Variants in EFNA1 observed in about 807,000 individuals in gnomAD.
EFNA1 encodes the protein ephrin-A1.
Under a neutral mutation model 23.2 loss-of-function variants are expected in EFNA1, and 8 were observed. The ratio of observed to expected loss-of-function variants is 0.34; its 90% CI spans 0.20 to 0.62. EFNA1 has a LOEUF of 0.62. EFNA1 is among the 20% of genes least tolerant of loss of function. The probability of loss-of-function intolerance (pLI) is 0.75; values close to 1 mark genes in which losing one functional copy is unlikely to be tolerated. For missense variants in EFNA1, 217 were observed against 260.0 expected, an observed-to-expected ratio of 0.83 and a Z score of 1.14; for synonymous variants, 89 against 98.6, an observed-to-expected ratio of 0.90 and a Z score of 0.58.
At chr1:155,129,010 C>G (rs181814929) in intron 1 of EFNA1, among the ~76,000 whole-genome samples, 17 of 152,324 alleles carry the variant, frequency 1.1e-4, no homozygotes, top group Admixed American at 3.9e-4. Flanking sequence ...GCTTGCCCCC[C>G]ACTCCCCTTG....
chr1:155,131,125 C>A, intron 1 of EFNA1: 3 of 1,364,630 alleles, frequency 2.2e-6, no homozygotes, highest in South Asian at 1.8e-5. Context: ...ATTTGAAGGA[C>A]CAACAGGAGA....
chr1:155,132,890 G>C (rs1043154619), intron 2 of EFNA1, among the ~76,000 whole-genome samples: 1 of 146,220 alleles, frequency 6.8e-6, no homozygotes, highest in Admixed American at 7.1e-5. Flanking sequence ...GTCGGTGGGG[G>C]CTAGGCAGGA....
intron 2 of EFNA1, among the ~76,000 whole-genome samples, chr1:155,133,205 G>A (rs937673069): frequency 2.0e-5 from 3 of 152,124 alleles, no homozygotes; most frequent in Non-Finnish European, 4.4e-5. Flanking sequence ...CACCGCGCCT[G>A]GCCTAGGAGT....
intron 1 of EFNA1, 30 bp downstream of exon 1, chr1:155,128,099 G>A (rs780296882): frequency 5.0e-6 from 8 of 1,602,966 alleles, no homozygotes; most frequent in Non-Finnish European, 5.1e-6. Flanking sequence ...CTGGCAGCCT[G>A]GGCTCCCGGC....
In EFNA1 at chr1:155,127,973, G is replaced by A. The variant is rs903632007; in HGVS notation, c.-5G>A. ...TCCCCGCTCGGCCTGGCCAGGCCCC[G>A]CGCTATGGAGTTCCTCTGGGCCCCT... is the stretch of plus-strand genomic sequence containing the variant. On this transcript the variant is annotated 5_prime_UTR_variant, in exon 1 of 5. Transcript: ENST00000368407. The surrounding 1 kb of genome is among the most constrained non-coding windows in gnomAD (Gnocchi z 4.4). The A allele has an allele frequency of 2.5e-6, 4 of 1,611,960 alleles. No individual in the cohort carries two copies. Among genetic ancestry groups the A allele is most frequent in the Middle Eastern group, 1.6e-4 (1 of 6,070 alleles).
intron 1 of EFNA1, 32 bp from the exon 2 acceptor site, chr1:155,131,307 C>G: frequency 6.3e-7 from 1 of 1,585,450 alleles, no homozygotes; most frequent in African/African-American, 1.3e-5. Flanking sequence ...TCTGAATGAC[C>G]ACCTGCTTCT....
chr1:155,131,128 A>G (rs1035646578), intron 1 of EFNA1: 1 of 1,362,544 alleles, frequency 7.3e-7, no homozygotes. Flanking sequence ...TGAAGGACCA[A>G]CAGGAGACAG....
At chr1:155,130,403 G>C in intron 1 of EFNA1, 1 of 659,132 alleles carries the variant, frequency 1.5e-6, no homozygotes, top group Non-Finnish European at 1.9e-6. Context: ...GGGCAGTCAG[G>C]CTGGAGCCGG....
At position 155,133,970 on chromosome 1, in the gene EFNA1, G is replaced by T; in HGVS notation, c.521G>T (p.Arg174Leu). 6.2e-7 allele frequency: 1 copy of T among 1,613,986 alleles called. No individual in the cohort carries two copies. Among genetic ancestry groups the T allele is most frequent in the Non-Finnish European group, 8.5e-7 (1 of 1,179,974 alleles). ...CACCTTGCAGATGACCCAGAGGTGC[G>T]GGTTCTACATAGCATCGGTCACAGT... Reference protein sequence around the residue: ...KRLAADDPEVRVLHSIGHSAA... With the variant: ...KRLAADDPEVLVLHSIGHSAA... Residue 174 changes from arginine to leucine, a missense_variant, in exon 5 of 5, where the codon CGG becomes CTG. Transcript: ENST00000368407.
chr1:155,129,424 C>A (rs983000258), intron 1 of EFNA1: 19 of 152,198 alleles, frequency 1.2e-4, no homozygotes, highest in African/African-American at 4.6e-4. Context: ...CCGCTGCCCC[C>A]CTTTCCCAGA....
At chr1:155,130,464 G>A (rs1246256168) in intron 1 of EFNA1, 19 of 965,664 alleles carry the variant, frequency 2.0e-5, no homozygotes, top group South Asian at 4.8e-5. Context: ...CACCTTGGGA[G>A]GAGGGGAGAG....
rs201402574 is a variant in EFNA1 at position 155,134,006 on chromosome 1, G to A, written c.557G>A (p.Arg186His). ...AGCATCGGTCACAGTGCTGCCCCAC[G>A]CCTCTTCCCACTTGCCTGGACTGTG... ...LHSIGHSAAP[R>H]LFPLAWTVLL... is the part of the protein sequence containing the mutation. Residue 186 changes from arginine (R) to histidine (H), a missense_variant, in exon 5 of 5, where the codon CGC becomes CAC. Arg to His is a conservative substitution (Grantham distance 29). Coordinates refer to ENST00000368407, the MANE Select transcript of EFNA1 (RefSeq NM_004428.3). 208 of 1,613,962 alleles carry A rather than the reference G, an allele frequency of 1.3e-4. No homozygotes were observed. The highest frequency in any genetic ancestry group is 1.7e-4 in the Non-Finnish European group (198 of 1,180,020).
At chr1:155,131,004 G>A (rs1664229714) in intron 1 of EFNA1, 1 of 985,366 alleles carries the variant, frequency 1.0e-6, no homozygotes, top group African/African-American at 1.7e-5. Context: ...ATGGGTAGAA[G>A]AGAATGATAA....
At chr1:155,130,514 G>C in intron 1 of EFNA1, 2 of 984,376 alleles carry the variant, frequency 2.0e-6, no homozygotes, top group Non-Finnish European at 2.4e-6. Flanking sequence ...GGAGAGAGGG[G>C]AGAGGGGAGA....
At chr1:155,130,569 G>C in intron 1 of EFNA1, 1 of 985,284 alleles carries the variant, frequency 1.0e-6, no homozygotes, top group African/African-American at 1.7e-5. Context: ...TTCATCTAGG[G>C]GGAGGTGGAA....
rs76891364 is a variant in EFNA1, at chr1:155,131,323, C to G, written c.93-16C>G. The G allele has an allele frequency of 4.1e-4, 648 of 1,577,614 alleles. 4 individuals are homozygous for G. In the African/African-American group the frequency reaches 7.7e-3, roughly 19 times the overall value. On this transcript the variant is annotated splice_polypyrimidine_tract_variant and intron_variant, in intron 1 of 4. Coordinates refer to ENST00000368407, the MANE Select transcript of EFNA1 (RefSeq NM_004428.3). ...CTGAATGACCACCTGCTTCTTCCCC[C>G]TGTGTGTGTCCCCAGGTTCCGGAAT...
Position 155,130,747 on chromosome 1 carries a change from G to T in EFNA1, c.93-592G>T, listed in dbSNP as rs77473027. 5.2e-4 allele frequency: 512 copies of T among 985,320 alleles called. 1 individual carries two copies. The South Asian group carries it at 7.0e-3, about 13-fold the overall frequency. 61.0% of individuals were successfully genotyped at this position (985,320 alleles called of 1,614,324 possible). On this transcript the variant is annotated intron_variant, in intron 1 of 4. Transcript: ENST00000368407. ...GGACTGGGGCATTATCTGTGGGCCC[G>T]GGTATACTAGCTTCACTTTTGAGGA... is the stretch of plus-strand genomic sequence containing the variant.
chr1:155,130,712 T>C, intron 1 of EFNA1: 1 of 985,126 alleles, frequency 1.0e-6, no homozygotes, highest in Non-Finnish European at 1.2e-6. Flanking sequence ...TGAGAGTGAT[T>C]TAACTTAAAG....
intron 2 of EFNA1, among the ~76,000 whole-genome samples, chr1:155,132,240 T>G (rs1664252664): frequency 6.6e-6 from 1 of 152,156 alleles, no homozygotes; most frequent in African/African-American, 2.4e-5. Context: ...TTTATTTTAT[T>G]TTATTTTATT....
Sources: gnomAD v4.1 joint callset for allele counts (sites outside exome capture counted in the v4.1 genomes callset) on GRCh38, gnomAD v4.1.1 for gene constraint, Gnocchi (gnomAD v3.1) non-coding constraint, MANE v1.5 for transcripts, NCBI Gene and HGNC (gene_info 2026-07-23, HGNC 2026-07-21) for gene names.